Variants in DSG2 observed in about 807,000 individuals in gnomAD.
DSG2 encodes the protein desmoglein 2.
Under a neutral mutation model 75.6 loss-of-function variants are expected in DSG2, and 45 were observed. The ratio of observed to expected loss-of-function variants is 0.60; its 90% confidence interval spans 0.47 to 0.76. The LOEUF (loss-of-function observed/expected upper bound fraction) is 0.76, where lower values mean the gene tolerates loss of function less well. DSG2 is among the 30% of genes least tolerant of loss of function. The pLI is 0.00. For missense variants in DSG2, 1,267 were observed against 1,357.4 expected (o/e 0.93, Z 1.05); for synonymous variants, 429 against 483.9 (o/e 0.89, Z 1.49).
At chr18:31,516,716 C>T (rs928930318) in intron 1 of DSG2, among the ~76,000 whole-genome samples, 4 of 152,274 alleles carry the variant, frequency 2.6e-5, no homozygotes, top group African/African-American at 9.6e-5. Flanking sequence ...ACTGTGGCCT[C>T]CTCTAGCGAT....
rs1567934468 is a variant in DSG2 at position 31,545,944 on chromosome 18, A to G, written c.2558A>G (p.Gln853Arg). 2.5e-5 allele frequency: 40 copies of G among 1,614,100 alleles called. No homozygotes were observed. Among genetic ancestry groups the G allele is most frequent in the Non-Finnish European group, 3.3e-5 (39 of 1,180,058 alleles). The change falls in exon 15 of 15, where the codon CAG becomes CGG. Residue 853 changes from glutamine (Q) to arginine (R), a missense_variant. Physicochemically the swap from Gln to Arg is conservative, Grantham distance 43 (BLOSUM62 1). Transcript: ENST00000261590. The part of the protein sequence containing the change: ...QKIDINKEIE[Q>R]RQKPATETSM... ...ATAGATATAAATAAGGAAATTGAGC[A>G]GAGACAAAAACCTGCCACAGAAACA...
At chr18:31,504,751 T>C (rs2073030479) in intron 1 of DSG2, among the ~76,000 whole-genome samples, 2 of 152,190 alleles carry the variant, frequency 1.3e-5, no homozygotes, top group African/African-American at 4.8e-5. Flanking sequence ...GTAGCATCTC[T>C]CCGCCCTACT....
intron 8 of DSG2, among the ~76,000 whole-genome samples, 175 bp from the exon 9 acceptor site, chr18:31,530,812 T>C (rs2073191762): frequency 6.6e-6 from 1 of 152,172 alleles, no homozygotes; most frequent in Non-Finnish European, 1.5e-5. Flanking sequence ...ACTATCCAGA[T>C]TGACAGAATT....
At chr18:31,500,502 A>G (rs936263608) in intron 1 of DSG2, among the ~76,000 whole-genome samples, 6 of 152,200 alleles carry the variant, frequency 3.9e-5, no homozygotes, top group Admixed American at 3.3e-4. Context: ...CACTAGAGCC[A>G]TAATAAGATG....
rs763907170 is a variant in DSG2, at chr18:31,545,934, GA to G, written c.2551del (p.Ile851LeufsTer13). 2.3e-5 allele frequency: 37 copies of G among 1,613,970 alleles called. No homozygotes were observed. Among genetic ancestry groups the G allele is most frequent in the Non-Finnish European group, 3.1e-5 (37 of 1,180,024 alleles). ...GGGTCAAAAAATAGATATAAATAAG[GA>G]AATTGAGCAGAGACAAAAACCTGCC... ...CLGQKIDINK[E>X]IEQRQKPATE... On this transcript the variant is annotated frameshift_variant, in exon 15 of 15. Coordinates refer to ENST00000261590, the MANE Select transcript of DSG2 (RefSeq NM_001943.5). LOFTEE classifies it low-confidence loss of function (END_TRUNC).
At chr18:31,526,589 G>A (rs1269979748) in intron 8 of DSG2, among the ~76,000 whole-genome samples, 1 of 152,134 alleles carries the variant, frequency 6.6e-6, no homozygotes, top group Non-Finnish European at 1.5e-5. Flanking sequence ...CAATTTTTAA[G>A]CCATCAATTT....
At chr18:31,502,981 T>G (rs1445189114) in intron 1 of DSG2, among the ~76,000 whole-genome samples, 1 of 152,236 alleles carries the variant, frequency 6.6e-6, no homozygotes, top group Non-Finnish European at 1.5e-5. Flanking sequence ...CAGTTTTGTT[T>G]TTTATTAAGT....
chr18:31,502,331 G>A (rs1233478861), intron 1 of DSG2, among the ~76,000 whole-genome samples: 6 of 152,032 alleles, frequency 3.9e-5, no homozygotes, highest in African/African-American at 9.7e-5. Context: ...AAGTGTAAGC[G>A]TGAGAATTAC....
At chr18:31,518,301 C>T (rs1196259812) in intron 2 of DSG2, 27 bp downstream of exon 2, 12 of 1,600,638 alleles carry the variant, frequency 7.5e-6, no homozygotes, top group Non-Finnish European at 1.0e-5. Flanking sequence ...ATTATTTCTG[C>T]CTTCTGACTC....
intron 11 of DSG2, 139 bp from the exon 12 acceptor site, chr18:31,538,612 C>A: frequency 1.2e-6 from 1 of 803,096 alleles, no homozygotes; most frequent in Non-Finnish European, 2.1e-6. Flanking sequence ...AATGAGCACA[C>A]TTCAATAAGT....
rs545094697 is a variant in DSG2, at chr18:31,519,812, A to G, written c.91A>G (p.Thr31Ala). The G allele has an allele frequency of 6.2e-7, 1 of 1,614,214 alleles. No homozygotes were observed. The highest frequency in any genetic ancestry group is 2.2e-5 in the East Asian group (1 of 44,880). ...GSGLHLQVLS[T>A]RNENKLLPKH... Reference sequence around the variant, plus strand: ...TATTCTATTGTTATAGGTCTTAAGCACAAGAAATGAAAATAAGCTGCTTCC... The same window carrying G: ...TATTCTATTGTTATAGGTCTTAAGCGCAAGAAATGAAAATAAGCTGCTTCC... The change falls in exon 3 of 15, where the codon ACA becomes GCA. Residue 31 changes from threonine to alanine, a missense_variant. Transcript: ENST00000261590.
At chr18:31,508,966 T>C (rs1437013408) in intron 1 of DSG2, among the ~76,000 whole-genome samples, 1 of 152,146 alleles carries the variant, frequency 6.6e-6, no homozygotes, top group Non-Finnish European at 1.5e-5. Flanking sequence ...GACTCAGTAA[T>C]CTGTGTTTTA....
At chr18:31,530,517 A>G (rs111273547) in intron 8 of DSG2, among the ~76,000 whole-genome samples, 3,870 of 152,176 alleles carry the variant, frequency 0.025, 178 homozygotes, top group African/African-American at 0.087. Context: ...CTCTGGGCTC[A>G]AGCAATCCTC....
chr18:31,522,173 C>G lies in DSG2; in HGVS notation c.614C>G (p.Pro205Arg). ...TCCTATAGAATCGTATCTCTGGAGC[C>G]TGCTTATCCTCCAGTGTTCTACCTA... is the stretch of plus-strand genomic sequence containing the variant. ...KISYRIVSLE[P>R]AYPPVFYLNK... Residue 205 changes from proline (P) to arginine (R), a missense_variant, in exon 6 of 15, where the codon CCT becomes CGT. Transcript: ENST00000261590. 6.2e-7 allele frequency: 1 copy of G among 1,613,340 alleles called. No individual in the cohort carries two copies. The highest frequency in any genetic ancestry group is 2.2e-5 in the East Asian group (1 of 44,832).
chr18:31,501,525 T>A (rs1045589936), intron 1 of DSG2, among the ~76,000 whole-genome samples: 2 of 152,250 alleles, frequency 1.3e-5, no homozygotes, highest in African/African-American at 4.8e-5. Flanking sequence ...ATGCTCCCTC[T>A]GAAACCAGTT....
intron 2 of DSG2, among the ~76,000 whole-genome samples, chr18:31,518,762 A>C (rs2073109589): frequency 6.6e-6 from 1 of 152,208 alleles, no homozygotes; most frequent in Non-Finnish European, 1.5e-5. Flanking sequence ...TAACCAGAGT[A>C]CATATTTTGA....
intron 9 of DSG2, 116 bp from the exon 10 acceptor site, chr18:31,535,154 G>T (rs371609466): frequency 1.2e-5 from 9 of 763,700 alleles, no homozygotes; most frequent in Non-Finnish European, 1.7e-5. Context: ...CAAAACAAAT[G>T]CCTGTAATAA....
At chr18:31,532,272 C>T (rs912008001) in intron 9 of DSG2, among the ~76,000 whole-genome samples, 2 of 152,128 alleles carry the variant, frequency 1.3e-5, no homozygotes, top group African/African-American at 4.8e-5. Context: ...TGCATCCTCA[C>T]GTGGCCAAAG....
Position 31,548,509 on chromosome 18 carries a change from G to C in DSG2, c.*1766G>C, listed in dbSNP as rs1434371602. 1 of 152,106 alleles carries C rather than the reference G, an allele frequency of 6.6e-6. No homozygotes were observed. The highest frequency in any genetic ancestry group is 2.4e-5 in the African/African-American group (1 of 41,412). 9.4% of individuals were successfully genotyped at this position (152,106 alleles called of 1,614,324 possible). A position where few individuals can be genotyped will look rare whatever the true frequency, so the allele number is the denominator to read the frequency against. On this transcript the variant is annotated 3_prime_UTR_variant, in exon 15 of 15. Transcript: ENST00000261590. ...CATCTAAGTCTGTAGCTTAAATGGA[G>C]GTTACTCTTCCATCATCTAGAATTG...
Sources: allele counts gnomAD v4.1 joint callset (sites outside exome capture counted in the v4.1 genomes callset), GRCh38; gene constraint gnomAD v4.1.1; transcripts MANE v1.5; gene names NCBI Gene and HGNC (gene_info 2026-07-23, HGNC 2026-07-21).